CEP128: variants seen among roughly 807,000 people sequenced by gnomAD.
CEP128 encodes the protein centrosomal protein 128kDa.
In CEP128, 132 loss-of-function variants were observed where a neutral mutation model predicts 156.7. That is an observed-to-expected ratio of 0.84 (90% CI 0.73 to 0.97). The LOEUF is 0.97. Among genes scored for constraint, CEP128 ranks in the 50% least tolerant of loss-of-function variants. CEP128 has a pLI of 0.00. For synonymous variants in CEP128, 469 were observed against 448.9 expected, an observed-to-expected ratio of 1.04 and a Z score of -0.57; for missense variants, 1,252 against 1,281.9, an observed-to-expected ratio of 0.98 and a Z score of 0.36.
chr14:80,573,050 G>C (rs1891211742), intron 20 of CEP128, among the ~76,000 whole-genome samples: 1 of 151,792 alleles, frequency 6.6e-6, no homozygotes. Flanking sequence ...AGCCTCCCAA[G>C]TAGCTGGGAT....
intron 11 of CEP128, 90 bp downstream of exon 11, chr14:80,838,114 C>CT (rs1240744008): frequency 8.4e-5 from 75 of 891,762 alleles, no homozygotes; most frequent in East Asian, 9.9e-5. Context: ...AGACCTAGTT[C>CT]TTTTTTTTCC....
intron 23 of CEP128, among the ~76,000 whole-genome samples, chr14:80,520,357 T>G (rs1888681910): frequency 6.6e-6 from 1 of 151,984 alleles, no homozygotes; most frequent in Non-Finnish European, 1.5e-5. Context: ...AGGCAGAGGT[T>G]GCAGTGAGCT....
intron 9 of CEP128, among the ~76,000 whole-genome samples, chr14:80,847,216 A>C (rs73340107): frequency 0.028 from 4,301 of 152,238 alleles, 233 homozygotes; most frequent in African/African-American, 0.097. Flanking sequence ...AATCAAGAAA[A>C]AGACTAAAGA....
intron 10 of CEP128, 71 bp from the exon 11 acceptor site, chr14:80,838,349 G>C (rs886094097): frequency 8.2e-6 from 9 of 1,092,276 alleles, no homozygotes; most frequent in Non-Finnish European, 1.2e-5. Flanking sequence ...TATGGGCACA[G>C]TTTAAAAGGA....
In CEP128 at chr14:80,605,330, C is replaced by G. The variant is rs8004240; in HGVS notation, c.2807-24907G>C. On this transcript the variant is annotated intron_variant, in intron 19 of 24. Coordinates refer to ENST00000555265, the MANE Select transcript of CEP128 (RefSeq NM_152446.5). Reference sequence around the variant, plus strand: ...TGTATAACAATTATCTCCCTAAAACCTTTTAGGAATCCAAACAGATTCTTA... The same window carrying G: ...TGTATAACAATTATCTCCCTAAAACGTTTTAGGAATCCAAACAGATTCTTA... Among the ~76,000 whole-genome samples the G allele has an allele frequency of 7.8e-3, 1,189 of 151,808 alleles. 23 individuals carry two copies. The highest frequency in any genetic ancestry group is 0.027 in the African/African-American group (1,127 of 41,464).
chr14:80,883,182 C>T (rs1375213782), intron 8 of CEP128, among the ~76,000 whole-genome samples: 2 of 151,826 alleles, frequency 1.3e-5, no homozygotes, highest in African/African-American at 4.8e-5. Context: ...ATGCCTACTA[C>T]CTACCCGCAA....
chr14:80,686,484 A>G (rs1896527509), intron 19 of CEP128, among the ~76,000 whole-genome samples: 1 of 152,190 alleles, frequency 6.6e-6, no homozygotes, highest in African/African-American at 2.4e-5. Flanking sequence ...ACTGAAGTAC[A>G]CAGACCAATG....
chr14:80,697,052 C>T (rs574896755), intron 19 of CEP128, among the ~76,000 whole-genome samples: 6 of 152,182 alleles, frequency 3.9e-5, no homozygotes, highest in Admixed American at 6.5e-5. Flanking sequence ...TGTTAGTAGA[C>T]GGTGTACATC....
intron 1 of CEP128, among the ~76,000 whole-genome samples, chr14:80,959,026 A>G (rs1227046955): frequency 2.6e-5 from 4 of 152,172 alleles, no homozygotes; most frequent in Non-Finnish European, 2.9e-5. Context: ...TTCTACTCAT[A>G]GATTATTGTT....
chr14:80,863,799 T>G (rs563354832), intron 8 of CEP128, among the ~76,000 whole-genome samples: 1 of 152,094 alleles, frequency 6.6e-6, no homozygotes, highest in Non-Finnish European at 1.5e-5. Flanking sequence ...ATTAGGGAGG[T>G]AGCTGGATAA....
intron 23 of CEP128, among the ~76,000 whole-genome samples, chr14:80,525,708 A>G (rs1296388022): frequency 6.6e-6 from 1 of 152,322 alleles, no homozygotes; most frequent in African/African-American, 2.4e-5. Context: ...GAACAAAGTC[A>G]CAGGATGCTC....
chr14:80,566,288 A>AT (rs56905241), intron 20 of CEP128, among the ~76,000 whole-genome samples: 1 of 152,052 alleles, frequency 6.6e-6, no homozygotes, highest in Non-Finnish European at 1.5e-5. Flanking sequence ...AAATATATAT[A>AT]TTTTTTCTCC....
rs887121028 is a variant in CEP128, at chr14:80,867,129, C to G, written c.646-4256G>C. Among the ~76,000 whole-genome samples the G allele has an allele frequency of 8.5e-5, 13 of 152,260 alleles. No individual in the cohort carries two copies. In the South Asian group the frequency reaches 1.7e-3, roughly 19 times the overall value. Reference sequence around the variant, plus strand: ...TTGCCAAACTGTCAACCTCACTACTCTGCACTTTGAAGCCATTATTTAGTA... The same window carrying G: ...TTGCCAAACTGTCAACCTCACTACTGTGCACTTTGAAGCCATTATTTAGTA... On this transcript the variant is annotated intron_variant, in intron 8 of 24. Transcript: ENST00000555265.
At chr14:80,635,780 T>A (rs945313177) in intron 19 of CEP128, among the ~76,000 whole-genome samples, 2 of 152,166 alleles carry the variant, frequency 1.3e-5, no homozygotes, top group African/African-American at 4.8e-5. Flanking sequence ...CCCTAAAATC[T>A]GAACCTTTTT....
chr14:80,894,088 T>C (rs1889232165), intron 8 of CEP128, among the ~76,000 whole-genome samples: 1 of 151,952 alleles, frequency 6.6e-6, no homozygotes, highest in Non-Finnish European at 1.5e-5. Context: ...CTTCGTGATC[T>C]AAGTATAGGG....
chr14:80,941,223 G>A (rs1156640048), intron 1 of CEP128, among the ~76,000 whole-genome samples: 3 of 152,156 alleles, frequency 2.0e-5, no homozygotes, highest in Non-Finnish European at 2.9e-5. Context: ...GCAAGCAAAT[G>A]TCAGACGGTC....
intron 13 of CEP128, among the ~76,000 whole-genome samples, chr14:80,794,775 G>C (rs1326427523): frequency 6.6e-6 from 1 of 152,034 alleles, no homozygotes; most frequent in Admixed American, 6.6e-5. Flanking sequence ...GATAGTCCTA[G>C]GTGCTAAAAC....
chr14:80,742,592 G>T (rs78854094), intron 19 of CEP128, among the ~76,000 whole-genome samples: 2 of 151,966 alleles, frequency 1.3e-5, no homozygotes, highest in African/African-American at 4.8e-5. Context: ...TGATTACAAC[G>T]TTCTAATATA....
At chr14:80,759,170 T>A (rs909666076) in intron 17 of CEP128, among the ~76,000 whole-genome samples, 1 of 152,206 alleles carries the variant, frequency 6.6e-6, no homozygotes, top group African/African-American at 2.4e-5. Context: ...TCCTTCATTG[T>A]CAAACACATA....
Sources: gnomAD v4.1 joint callset for allele counts (sites outside exome capture counted in the v4.1 genomes callset) on GRCh38, gnomAD v4.1.1 for gene constraint, MANE v1.5 for transcripts, NCBI Gene and HGNC (gene_info 2026-07-23, HGNC 2026-07-21) for gene names.